Variants in ATG10 observed in about 807,000 individuals in gnomAD.
ATG10 encodes the protein autophagy related 10, also known as ubiquitin-like-conjugating enzyme ATG10.
ATG10 carries 30 observed loss-of-function variants against 32.1 expected under a neutral mutation model. The observed-to-expected ratio is 0.94, with a 90% CI of 0.70 to 1.27. The LOEUF (loss-of-function observed/expected upper bound fraction) is 1.27, where lower values mean the gene tolerates loss of function less well. Among genes scored for constraint, ATG10 ranks in the 50% most tolerant of loss-of-function variants. ATG10 has a pLI of 0.00. For synonymous variants in ATG10, 87 were observed against 91.5 expected, an observed-to-expected ratio of 0.95 and a Z score of 0.28; for missense variants, 233 against 262.3, an observed-to-expected ratio of 0.89 and a Z score of 0.77.
chr5:82,138,971 G>C (rs141541926), intron 3 of ATG10, among the ~76,000 whole-genome samples: 28,573 of 149,150 alleles, frequency 0.19, 3,084 homozygotes, highest in Middle Eastern at 0.27. Context: ...TCCTGCCTCA[G>C]TCTGCCAAAT....
chr5:82,150,726 C>T (rs1263087923), intron 3 of ATG10, among the ~76,000 whole-genome samples: 1 of 152,178 alleles, frequency 6.6e-6, no homozygotes, highest in Non-Finnish European at 1.5e-5. Flanking sequence ...AGGCAATTAC[C>T]CACAGGCTGT....
chr5:82,068,776 A>T (rs1764027729), intron 3 of ATG10, among the ~76,000 whole-genome samples: 1 of 148,684 alleles, frequency 6.7e-6, no homozygotes, highest in South Asian at 2.1e-4. Context: ...TTATCTGAAA[A>T]AAAAGACAAT....
At chr5:81,986,215 G>C (rs1334231713) in intron 1 of ATG10, among the ~76,000 whole-genome samples, 2 of 152,154 alleles carry the variant, frequency 1.3e-5, no homozygotes, top group East Asian at 1.9e-4. Flanking sequence ...TTACTTTGAT[G>C]TTTGGTTTGT....
chr5:82,131,640 A>G (rs1487638145), intron 3 of ATG10, among the ~76,000 whole-genome samples: 1 of 50,580 alleles, frequency 2.0e-5, no homozygotes, highest in African/African-American at 9.9e-5. Flanking sequence ...GTTTTATTCT[A>G]CTTTTTTTTT....
At chr5:82,091,358 C>T (rs1448550967) in intron 3 of ATG10, among the ~76,000 whole-genome samples, 1 of 152,134 alleles carries the variant, frequency 6.6e-6, no homozygotes, top group East Asian at 1.9e-4. Flanking sequence ...GCATGAGCCA[C>T]CATGCCTGAC....
chr5:82,100,049 C>A (rs1210127672), intron 3 of ATG10, among the ~76,000 whole-genome samples: 1 of 111,102 alleles, frequency 9.0e-6, no homozygotes, highest in African/African-American at 3.6e-5. Context: ...CGCTCTGTTG[C>A]CCAGGCTGGA....
intron 5 of ATG10, among the ~76,000 whole-genome samples, chr5:82,179,902 C>T (rs1744168604): frequency 6.6e-6 from 1 of 152,048 alleles, no homozygotes; most frequent in Non-Finnish European, 1.5e-5. Flanking sequence ...ACAAAACTAG[C>T]TTTAGGTATT....
rs1024242318 is a variant in ATG10, at chr5:82,141,141, T to C, written c.217-23258T>C. Among the ~76,000 whole-genome samples, 30 of 145,160 alleles carry C rather than the reference T, an allele frequency of 2.1e-4. 1 individual carries two copies. The highest frequency in any genetic ancestry group is 1.9e-3 in the Admixed American group (27 of 14,520). ...AACCAGAGACCTTTGTTCACTTGTTTATCTGCTGACCTTCCCTCCACTATT... is the reference window on the plus strand; with the variant it reads ...AACCAGAGACCTTTGTTCACTTGTTCATCTGCTGACCTTCCCTCCACTATT... On this transcript the variant is annotated intron_variant, in intron 3 of 7. Coordinates refer to ENST00000282185, the MANE Select transcript of ATG10 (RefSeq NM_031482.5).
chr5:82,205,308 G>C (rs1318501171), intron 5 of ATG10, among the ~76,000 whole-genome samples: 1 of 152,140 alleles, frequency 6.6e-6, no homozygotes, highest in East Asian at 1.9e-4. Flanking sequence ...TTTTTTTGAT[G>C]AATTGGGAGA....
At chr5:82,214,734 AGGTGGAG>A (rs1240857067) in intron 5 of ATG10, among the ~76,000 whole-genome samples, 1 of 152,136 alleles carries the variant, frequency 6.6e-6, no homozygotes, top group African/African-American at 2.4e-5. Flanking sequence ...GGATCTCTCA[AGGTGGAG>A]GGACTCTCTT....
intron 5 of ATG10, among the ~76,000 whole-genome samples, chr5:82,190,293 C>G (rs1020157406): frequency 1.3e-5 from 2 of 151,756 alleles, no homozygotes; most frequent in Admixed American, 1.3e-4. Flanking sequence ...CCACTGTTAA[C>G]CTTTCAGTGC....
chr5:82,054,651 T>C (rs183618123), intron 2 of ATG10, among the ~76,000 whole-genome samples: 1 of 152,330 alleles, frequency 6.6e-6, no homozygotes, highest in African/African-American at 2.4e-5. Context: ...CACCCTCTTA[T>C]CTCTAAAATG....
At chr5:81,974,463 T>G (rs1034290664) in intron 1 of ATG10, among the ~76,000 whole-genome samples, 3 of 152,222 alleles carry the variant, frequency 2.0e-5, no homozygotes, top group Admixed American at 2.0e-4. Flanking sequence ...GGAGTGTAGC[T>G]TTGAAGCTAG....
chr5:82,076,885 A>G (rs1012307822), intron 3 of ATG10, among the ~76,000 whole-genome samples: 1 of 152,200 alleles, frequency 6.6e-6, no homozygotes, highest in Non-Finnish European at 1.5e-5. Context: ...TGTATGCTAA[A>G]TCCACATTTT....
In ATG10 at chr5:82,164,581, A is replaced by G. The variant is rs192444116; in HGVS notation, c.355+44A>G. The G allele has an allele frequency of 2.1e-5, 32 of 1,518,412 alleles. No individual in the cohort carries two copies. The African/African-American group carries it at 4.1e-4, about 19-fold the overall frequency. 94.1% of individuals were successfully genotyped at this position (1,518,412 alleles called of 1,614,324 possible). A position where few individuals can be genotyped will look rare whatever the true frequency, so the allele number is the denominator to read the frequency against. On this transcript the variant is annotated intron_variant, in intron 4 of 7. Transcript: ENST00000282185. ...CTAAAAGTAAATTTATAACATTTACATATAAAGCAAAAAGCATATTTGGAA... is the reference window on the plus strand; with the variant it reads ...CTAAAAGTAAATTTATAACATTTACGTATAAAGCAAAAAGCATATTTGGAA...
At chr5:81,993,340 T>TTCCTTCCTTCCTTCC (rs1761526269) in intron 2 of ATG10, among the ~76,000 whole-genome samples, 1 of 42,834 alleles carries the variant, frequency 2.3e-5, no homozygotes, top group African/African-American at 1.0e-4. Context: ...TCCTTCCTTC[T>TTCCTTCCTTCCTTCC]TTCTTTCTTT....
chr5:82,246,093 A>G (rs1036037553), intron 5 of ATG10, among the ~76,000 whole-genome samples: 86 of 147,322 alleles, frequency 5.8e-4, no homozygotes, highest in Non-Finnish European at 3.6e-4. Context: ...TTTTTTTGAA[A>G]CAGAGTCTTA....
intron 5 of ATG10, among the ~76,000 whole-genome samples, chr5:82,238,038 C>T (rs969868638): frequency 1.4e-4 from 21 of 152,312 alleles, no homozygotes; most frequent in Non-Finnish European, 2.8e-4. Context: ...AGTATCATCC[C>T]AGGGAACAAG....
chr5:82,090,217 G>A (rs1407371042), intron 3 of ATG10, among the ~76,000 whole-genome samples: 5 of 151,932 alleles, frequency 3.3e-5, no homozygotes, highest in Non-Finnish European at 7.4e-5. Context: ...TTTAGAAAAC[G>A]AAACATACAA....
Sources: allele counts gnomAD v4.1 joint callset (sites outside exome capture counted in the v4.1 genomes callset), GRCh38; gene constraint gnomAD v4.1.1; transcripts MANE v1.5; gene names NCBI Gene and HGNC (gene_info 2026-07-23, HGNC 2026-07-21).